Variants in CRPPA observed in about 807,000 individuals in gnomAD.
CRPPA encodes D-ribitol-5-phosphate cytidylyltransferase.
A neutral mutation model predicts 52.0 loss-of-function variants in CRPPA; 43 were observed. The ratio of observed to expected loss-of-function variants is 0.83; its 90% CI spans 0.65 to 1.07. The LOEUF (loss-of-function observed/expected upper bound fraction) is 1.07. CRPPA is among the 50% of genes least tolerant of loss of function. CRPPA has a pLI of 0.00. For missense variants in CRPPA, 629 were observed against 551.7 expected (o/e 1.14, Z -1.40); for synonymous variants, 250 against 203.5 (o/e 1.23, Z -1.94).
In CRPPA at chr7:16,324,048, G is replaced by A. The variant is rs189402853; in HGVS notation, c.685-15421C>T. Among the ~76,000 whole-genome samples the A allele has an allele frequency of 4.6e-5, 7 of 152,312 alleles. No homozygotes were observed. The East Asian group carries it at 9.7e-4, about 21-fold the overall frequency. On this transcript the variant is annotated intron_variant, in intron 3 of 9. Coordinates refer to ENST00000407010, the MANE Select transcript of CRPPA (RefSeq NM_001101426.4). Reference sequence around the variant, plus strand: ...GAGAAGATGTCCATGCACTGGCGACGTTCTATCTTGTGAGATGGATCATGA... The same window carrying A: ...GAGAAGATGTCCATGCACTGGCGACATTCTATCTTGTGAGATGGATCATGA...
At chr7:16,126,470 T>C (rs762318116) in intron 9 of CRPPA, among the ~76,000 whole-genome samples, 37 of 152,124 alleles carry the variant, frequency 2.4e-4, no homozygotes, top group Non-Finnish European at 4.7e-4. Context: ...CAAATGTGTA[T>C]AAAAGGCCAA....
chr7:16,352,756 G>T (rs1474954501), intron 3 of CRPPA, among the ~76,000 whole-genome samples: 1 of 152,000 alleles, frequency 6.6e-6, no homozygotes, highest in Non-Finnish European at 1.5e-5. Context: ...TATATCCAAA[G>T]AAATTGAAAT....
chr7:16,150,892 A>G (rs2128378786), intron 9 of CRPPA, among the ~76,000 whole-genome samples: 1 of 152,312 alleles, frequency 6.6e-6, no homozygotes, highest in South Asian at 2.1e-4. Flanking sequence ...ACCCACTCCC[A>G]TGATAATAAA....
At chr7:16,374,950 C>T (rs1371651647) in intron 3 of CRPPA, among the ~76,000 whole-genome samples, 2 of 152,204 alleles carry the variant, frequency 1.3e-5, no homozygotes, top group African/African-American at 2.4e-5. Flanking sequence ...TTCATATCCA[C>T]CACTCCCATC....
chr7:16,215,269 T>C (rs1363669126), intron 9 of CRPPA, among the ~76,000 whole-genome samples: 9 of 152,206 alleles, frequency 5.9e-5, no homozygotes, highest in Non-Finnish European at 5.9e-5. Context: ...TTCAACTTGC[T>C]AGACTCTTGT....
At chr7:16,171,061 G>A (rs1421274120) in intron 9 of CRPPA, among the ~76,000 whole-genome samples, 1 of 152,266 alleles carries the variant, frequency 6.6e-6, no homozygotes, top group Non-Finnish European at 1.5e-5. Context: ...AGCGTGGTCA[G>A]AGTGGACGCC....
chr7:16,382,782 A>G (rs1787145447), intron 2 of CRPPA, among the ~76,000 whole-genome samples: 2 of 152,016 alleles, frequency 1.3e-5, no homozygotes, highest in Non-Finnish European at 1.5e-5. Context: ...AGTTGATCGC[A>G]TCGGCTCCTG....
chr7:16,298,017 A>G (rs1369291421), intron 5 of CRPPA, among the ~76,000 whole-genome samples: 2 of 152,196 alleles, frequency 1.3e-5, no homozygotes, highest in African/African-American at 2.4e-5. Context: ...CAGCTCTCAT[A>G]GTATGCTATA....
At chr7:16,181,729 A>G (rs532015227) in intron 9 of CRPPA, among the ~76,000 whole-genome samples, 1 of 152,048 alleles carries the variant, frequency 6.6e-6, no homozygotes, top group African/African-American at 2.4e-5. Flanking sequence ...TTCACAACAT[A>G]TGTGTAATTA....
chr7:16,329,785 A>T (rs1372958449), intron 3 of CRPPA, among the ~76,000 whole-genome samples: 1 of 152,220 alleles, frequency 6.6e-6, no homozygotes, highest in Admixed American at 6.5e-5. Flanking sequence ...AAAAGGCCCA[A>T]ATAAAATGTA....
At chr7:16,324,364 G>A (rs1375557144) in intron 3 of CRPPA, among the ~76,000 whole-genome samples, 2 of 152,200 alleles carry the variant, frequency 1.3e-5, no homozygotes, top group Non-Finnish European at 2.9e-5. Context: ...AAGAAGTTGA[G>A]ATCATTTCAT....
At chr7:16,255,128 G>A (rs1312755075) in intron 8 of CRPPA, among the ~76,000 whole-genome samples, 1 of 152,216 alleles carries the variant, frequency 6.6e-6, no homozygotes, top group African/African-American at 2.4e-5. Flanking sequence ...AAAATCACAA[G>A]CATTCCTATA....
intron 9 of CRPPA, among the ~76,000 whole-genome samples, chr7:16,159,341 A>G (rs986985236): frequency 2.0e-5 from 3 of 151,994 alleles, no homozygotes; most frequent in Non-Finnish European, 4.4e-5. Context: ...AGATTAAGGA[A>G]CGCTTGTTTG....
intron 3 of CRPPA, among the ~76,000 whole-genome samples, chr7:16,366,060 G>A (rs779698334): frequency 6.6e-6 from 1 of 152,234 alleles, no homozygotes; most frequent in African/African-American, 2.4e-5. Flanking sequence ...GGAAGTCCAA[G>A]ATCAAGGCTT....
chr7:16,408,782 C>T (rs1052903715), intron 1 of CRPPA, among the ~76,000 whole-genome samples: 2 of 152,048 alleles, frequency 1.3e-5, no homozygotes, highest in African/African-American at 4.8e-5. Context: ...GTGGATCCAA[C>T]GTAATCACAA....
chr7:16,099,248 A>G (rs1781991681), intron 9 of CRPPA, among the ~76,000 whole-genome samples: 1 of 150,328 alleles, frequency 6.7e-6, no homozygotes, highest in Admixed American at 6.7e-5. Flanking sequence ...GCAAGACCCT[A>G]TCTCTTTAAA....
intron 9 of CRPPA, among the ~76,000 whole-genome samples, chr7:16,175,690 G>T (rs879174493): frequency 6.6e-6 from 1 of 152,026 alleles, no homozygotes. Flanking sequence ...CTACAAAGTG[G>T]CAATAATGAG....
chr7:16,277,657 C>T (rs766438790), intron 6 of CRPPA, among the ~76,000 whole-genome samples: 42 of 152,148 alleles, frequency 2.8e-4, no homozygotes, highest in Non-Finnish European at 5.4e-4. Context: ...TTGCCTAGCC[C>T]TAATATTAGA....
At chr7:16,135,360 C>A (rs1375856727) in intron 9 of CRPPA, among the ~76,000 whole-genome samples, 1 of 152,040 alleles carries the variant, frequency 6.6e-6, no homozygotes, top group African/African-American at 2.4e-5. Flanking sequence ...ATTACATAAA[C>A]TGTATATTGA....
Sources: allele counts gnomAD v4.1 joint callset (sites outside exome capture counted in the v4.1 genomes callset), GRCh38; gene constraint gnomAD v4.1.1; transcripts MANE v1.5; gene names NCBI Gene and HGNC (gene_info 2026-07-23, HGNC 2026-07-21).